NPHS1: variants seen among roughly 807,000 people sequenced by gnomAD.
NPHS1 encodes the protein nephrin.
A neutral mutation model predicts 139.7 loss-of-function variants in NPHS1; 107 were observed. The ratio of observed to expected loss-of-function variants is 0.77; its 90% CI spans 0.66 to 0.90. NPHS1 has a LOEUF of 0.90. NPHS1 is among the 40% of genes least tolerant of loss of function. The pLI, the probability that NPHS1 is intolerant of heterozygous loss-of-function variation, is 0.00. For synonymous variants in NPHS1, 707 were observed against 706.6 expected, an observed-to-expected ratio of 1.00 and a Z score of -0.01; for missense variants, 1,580 against 1,654.2, an observed-to-expected ratio of 0.96 and a Z score of 0.78.
At position 35,825,533 on chromosome 19, in the gene NPHS1, A is replaced by G. The variant is rs1972790403; in HGVS notation, c.*981T>C. ...TTCCAACACCTCAGAAAGTTCTCCC[A>G]TGCCTTTTTGCAGTCAACCCTCCTC... On this transcript the variant is annotated 3_prime_UTR_variant, in exon 29 of 29. Transcript: ENST00000378910. 6.6e-6 allele frequency among the ~76,000 whole-genome samples: 1 copy of G among 152,156 alleles called. No homozygotes were observed. The highest frequency in any genetic ancestry group is 2.1e-4 in the South Asian group (1 of 4,832).
At position 35,831,696 on chromosome 19, in the gene NPHS1, G is replaced by T. The variant is rs775829291; in HGVS notation, c.3233C>A (p.Ala1078Asp). ...CCAGAGGACCCCCCCGACACAGGAG[G>T]CATTGGAGAGGAGCAGAAGCCCCCC... ...ALGGLLLLSN[A>D]SCVGGVLWQR... Residue 1078 changes from alanine (A) to aspartate (D), a missense_variant, in exon 24 of 29, where the codon GCC becomes GAC. Coordinates refer to ENST00000378910, the MANE Select transcript of NPHS1 (RefSeq NM_004646.4). The T allele has an allele frequency of 1.9e-6, 3 of 1,605,554 alleles. No individual in the cohort carries two copies. Among genetic ancestry groups the T allele is most frequent in the South Asian group, 1.1e-5 (1 of 89,880 alleles).
rs912787192 is a variant in NPHS1, at chr19:35,842,424, C to G, written c.2461G>C (p.Gly821Arg). 1 of 1,614,184 alleles carries G rather than the reference C, an allele frequency of 6.2e-7. No homozygotes were observed. The highest frequency in any genetic ancestry group is 8.5e-7 in the Non-Finnish European group (1 of 1,180,028). ...AGCCGTCGTGCTGGAGGCGCCACCCCATTGTCCACAATGCACTGGTAAGCG... is the reference window on the plus strand; with the variant it reads ...AGCCGTCGTGCTGGAGGCGCCACCCGATTGTCCACAATGCACTGGTAAGCG... ...AGAYQCIVDN[G>R]VAPPARRLLR... Residue 821 changes from glycine (G) to arginine (R), a missense_variant, in exon 18 of 29, where the codon GGG becomes CGG. Transcript: ENST00000378910.
intron 18 of NPHS1, 36 bp from the exon 19 acceptor site, chr19:35,842,316 G>A: frequency 6.2e-7 from 1 of 1,612,316 alleles, no homozygotes; most frequent in South Asian, 1.1e-5. Flanking sequence ...GAGCTATGTG[G>A]GAGACATGAG....
intron 22 of NPHS1, among the ~76,000 whole-genome samples, chr19:35,838,857 A>T (rs1467268720): frequency 6.6e-6 from 1 of 152,054 alleles, no homozygotes; most frequent in Non-Finnish European, 1.5e-5. Flanking sequence ...CAAAAAAATA[A>T]AAAAAAATTA....
At position 35,850,337 on chromosome 19, in the gene NPHS1, G is replaced by A. The variant is rs749621903; in HGVS notation, c.608+27C>T. On this transcript the variant is annotated intron_variant, in intron 5 of 28. Transcript: ENST00000378910. ...CCCATGGGGAAAATTAGGGGTCAAG[G>A]TTGGGGGGTTGTTTCAGTTTCCACA... 12 of 1,597,350 alleles carry A rather than the reference G, an allele frequency of 7.5e-6. No homozygotes were observed. The East Asian group carries it at 1.1e-4, about 15-fold the overall frequency.
intron 23 of NPHS1, among the ~76,000 whole-genome samples, chr19:35,834,344 C>T (rs1972925272): frequency 6.6e-6 from 1 of 152,154 alleles, no homozygotes; most frequent in South Asian, 2.1e-4. Context: ...CAACCCTAGA[C>T]CACCCAGTCC....
intron 28 of NPHS1, among the ~76,000 whole-genome samples, chr19:35,829,151 G>C (rs1972839742): frequency 6.6e-6 from 1 of 152,240 alleles, no homozygotes; most frequent in African/African-American, 2.4e-5. Flanking sequence ...CCAGTGACCT[G>C]AGTGGGGCTG....
In NPHS1 at chr19:35,852,293, C is replaced by CCT. The variant is rs912753611; in HGVS notation, c.-458_-457dup. 1.3e-5 allele frequency among the ~76,000 whole-genome samples: 2 copies of CCT among 149,244 alleles called. No individual in the cohort carries two copies. The highest frequency in any genetic ancestry group is 3.0e-5 in the Non-Finnish European group (2 of 67,694). ...CTCTCTCCTTTTGTCTCTGTCTCTTCCTCTCTCTCTGTCTCTCTCTCTCTC... is the reference window on the plus strand; with the variant it reads ...CTCTCTCCTTTTGTCTCTGTCTCTTCCTCTCTCTCTCTGTCTCTCTCTCTCTC... On this transcript the variant is annotated 5_prime_UTR_variant, in exon 1 of 29. Transcript: ENST00000378910.
At chr19:35,829,132 A>T (rs899067358) in intron 28 of NPHS1, among the ~76,000 whole-genome samples, 8 of 151,782 alleles carry the variant, frequency 5.3e-5, no homozygotes, top group Non-Finnish European at 1.0e-4. Context: ...TCCCTCTCCT[A>T]CTCTCAGCCC....
rs749921730 is a variant in NPHS1 at position 35,842,471 on chromosome 19, T to C, written c.2414A>G (p.His805Arg). The change falls in exon 18 of 29, where the codon CAT becomes CGT. Residue 805 changes from histidine (H) to arginine (R), a missense_variant. Coordinates refer to ENST00000378910, the MANE Select transcript of NPHS1 (RefSeq NM_004646.4). ...AGCGCCAGCCTGGGCCAGTTTGGCA[T>C]GGTGAATCCGCAGGCGCCCCGTTGG... is the stretch of plus-strand genomic sequence containing the variant. ...RGPTGRLRIH[H>R]AKLAQAGAYQ... is the part of the protein sequence containing the mutation. The C allele has an allele frequency of 8.7e-6, 14 of 1,614,194 alleles. No individual in the cohort carries two copies. The South Asian group carries it at 9.9e-5, about 11-fold the overall frequency.
chr19:35,834,209 A>G (rs1700788644), intron 23 of NPHS1, among the ~76,000 whole-genome samples: 1 of 152,182 alleles, frequency 6.6e-6, no homozygotes, highest in Non-Finnish European at 1.5e-5. Flanking sequence ...GGAATCAGCT[A>G]GTAAATTGCT....
chr19:35,839,923 C>T (rs1713905479), intron 20 of NPHS1, among the ~76,000 whole-genome samples: 1 of 149,884 alleles, frequency 6.7e-6, no homozygotes, highest in African/African-American at 2.4e-5. Flanking sequence ...TAAGTGAAAA[C>T]AAAACCAAAA....
rs751543831 is a variant in NPHS1, at chr19:35,835,774, T to C, written c.3110-13A>G. ...GGCTGGTGGAGACCTGGGGGGTGGA[T>C]ATACAGATTGTGACTTAACACTAAG... is the stretch of plus-strand genomic sequence containing the variant. On this transcript the variant is annotated splice_polypyrimidine_tract_variant and intron_variant, in intron 22 of 28. Transcript: ENST00000378910. 6.2e-6 allele frequency: 10 copies of C among 1,612,550 alleles called. No homozygotes were observed. Among genetic ancestry groups the C allele is most frequent in the Non-Finnish European group, 6.8e-6 (8 of 1,178,784 alleles).
At position 35,846,138 on chromosome 19, in the gene NPHS1, G is replaced by T; in HGVS notation, c.1497C>A (p.Leu499=). Reference sequence around the variant, plus strand: ...TGCTCCCAGATTTCTCCACGCTGCCGAGATGCACGCGCCGCGACTCCTGCG... The same window carrying T: ...TGCTCCCAGATTTCTCCACGCTGCCTAGATGCACGCGCCGCGACTCCTGCG... ...RLPQESRRVH[L]GSVEKSGSTF... Residue 499 remains leucine (L), a synonymous_variant, in exon 12 of 29, where the codon CTC becomes CTA. Coordinates refer to ENST00000378910, the MANE Select transcript of NPHS1 (RefSeq NM_004646.4). 6.3e-7 allele frequency: 1 copy of T among 1,598,302 alleles called. No individual in the cohort carries two copies. Among genetic ancestry groups the T allele is most frequent in the Non-Finnish European group, 8.5e-7 (1 of 1,173,750 alleles).
chr19:35,841,946 T>A, intron 19 of NPHS1, 80 bp from the exon 20 acceptor site: 2 of 1,484,336 alleles, frequency 1.3e-6, no homozygotes, highest in Non-Finnish European at 1.8e-6. Flanking sequence ...ATCCATCCAT[T>A]AATGTAACCG....
intron 17 of NPHS1, among the ~76,000 whole-genome samples, chr19:35,842,950 C>G (rs1020000274): frequency 6.6e-6 from 1 of 152,176 alleles, no homozygotes; most frequent in Admixed American, 6.6e-5. Context: ...CTCAACTATT[C>G]ACTCACGCTT....
Position 35,845,231 on chromosome 19 carries a change from C to G in NPHS1, c.1930+137G>C. On this transcript the variant is annotated intron_variant, in intron 14 of 28. Transcript: ENST00000378910. This position sits in a 1 kb window ranked among gnomAD's most constrained non-coding sequence, Gnocchi z 5.5. ...ACTGCAGTGACCTATGATTGCGTCA[C>G]TGCATTGCAGCCTGAGCGACAAAAA... 1 of 976,006 alleles carries G rather than the reference C, an allele frequency of 1.0e-6. No homozygotes were observed. The highest frequency in any genetic ancestry group is 1.4e-5 in the South Asian group (1 of 70,230). 60.5% of individuals were successfully genotyped at this position (976,006 alleles called of 1,614,324 possible).
chr19:35,828,254 A>AT (rs553429163), intron 28 of NPHS1, among the ~76,000 whole-genome samples: 44 of 151,854 alleles, frequency 2.9e-4, no homozygotes, highest in African/African-American at 9.9e-4. Flanking sequence ...AATGGTTTTT[A>AT]TTTTTTTCTT....
Position 35,840,510 on chromosome 19 carries a change from A to G in NPHS1, c.2816-903T>C, listed in dbSNP as rs146035416. ...CCACCATGCCCGGCTAATTTTCTGT[A>G]TTTTTAGTACAGACGGGTTTTCACT... On this transcript the variant is annotated intron_variant, in intron 20 of 28. Transcript: ENST00000378910. 8.3e-3 allele frequency among the ~76,000 whole-genome samples: 1,169 copies of G among 141,556 alleles called. 21 individuals carry two copies. The highest frequency in any genetic ancestry group is 0.03 in the African/African-American group (1,128 of 37,886). The allele number at this position is 141,556 out of a possible 152,430, so 92.9% of individuals were successfully genotyped here. A position where few individuals can be genotyped will look rare whatever the true frequency, so the allele number is the denominator to read the frequency against.
Sources: allele counts gnomAD v4.1 joint callset (sites outside exome capture counted in the v4.1 genomes callset), GRCh38; gene constraint gnomAD v4.1.1; non-coding constraint Gnocchi (gnomAD v3.1); transcripts MANE v1.5; gene names NCBI Gene and HGNC (gene_info 2026-07-23, HGNC 2026-07-21).